Variants in SPACA7 observed in about 807,000 individuals in gnomAD.
SPACA7 encodes the protein sperm acrosome-associated protein 7.
In SPACA7, 19 loss-of-function variants were observed where a neutral mutation model predicts 26.3. The observed-to-expected ratio is 0.72, with a 90% CI of 0.50 to 1.06. SPACA7 has a LOEUF of 1.06. SPACA7 is among the 50% of genes least tolerant of loss of function. SPACA7 has a pLI of 0.00. For synonymous variants in SPACA7, 84 were observed against 84.5 expected (o/e 0.99, Z 0.04); for missense variants, 211 against 229.9 (o/e 0.92, Z 0.53).
intron 5 of SPACA7, among the ~76,000 whole-genome samples, chr13:112,411,330 A>G (rs1056944136): frequency 6.6e-6 from 1 of 152,104 alleles, no homozygotes; most frequent in Non-Finnish European, 1.5e-5. Flanking sequence ...ATAGTTGCAC[A>G]TATTTACAGG....
intron 6 of SPACA7, 151 bp downstream of exon 6, chr13:112,432,672 C>A (rs764555403): frequency 9.5e-6 from 6 of 629,886 alleles, no homozygotes; most frequent in Non-Finnish European, 1.1e-5. Context: ...CCTGTCCAAC[C>A]GTTGATGTGT....
intron 5 of SPACA7, among the ~76,000 whole-genome samples, chr13:112,419,835 G>A (rs1886904045): frequency 6.6e-6 from 1 of 152,212 alleles, no homozygotes; most frequent in South Asian, 2.1e-4. Context: ...AACCAGTGAA[G>A]GGAGTATATC....
intron 5 of SPACA7, among the ~76,000 whole-genome samples, chr13:112,416,755 G>C (rs1342735879): frequency 2.0e-5 from 3 of 151,652 alleles, no homozygotes; most frequent in Non-Finnish European, 4.4e-5. Context: ...TTGCATATTA[G>C]TTTTCCAGTC....
chr13:112,383,045 A>AGAGAGAGAGAAAGG lies in SPACA7; in HGVS notation c.94+6566_94+6567insGAGAGAGAGAAAGG, dbSNP rs781245231. Among the ~76,000 whole-genome samples the AGAGAGAGAGAAAGG allele has an allele frequency of 2.0e-4, 27 of 134,948 alleles. 1 individual carries two copies. Among genetic ancestry groups the AGAGAGAGAGAAAGG allele is most frequent in the Non-Finnish European group, 4.3e-4 (27 of 62,556 alleles). 88.5% of individuals were successfully genotyped at this position (134,948 alleles called of 152,430 possible). A position where few individuals can be genotyped will look rare whatever the true frequency, so the allele number is the denominator to read the frequency against. ...GAAAGAAAGAGAGAGAGAGAGAAAG[A>AGAGAGAGAGAAAGG]CAGAAGGAAAGAAAGAGACAGAAAG... On this transcript the variant is annotated intron_variant, in intron 1 of 6. Transcript: ENST00000283550.
chr13:112,378,765 GT>G (rs1301854660), intron 1 of SPACA7: 2 of 470,998 alleles, frequency 4.2e-6, no homozygotes, highest in South Asian at 3.1e-5. Flanking sequence ...ATCAACCTCA[GT>G]TTTTAAAAAC....
At chr13:112,383,219 G>GAAAA (rs1555324564) in intron 1 of SPACA7, among the ~76,000 whole-genome samples, 1 of 145,900 alleles carries the variant, frequency 6.9e-6, no homozygotes. Context: ...AGGAAAGAAG[G>GAAAA]AAGAAAGAAA....
intron 5 of SPACA7, among the ~76,000 whole-genome samples, chr13:112,412,163 A>G (rs1194357978): frequency 6.6e-6 from 1 of 152,190 alleles, no homozygotes; most frequent in Admixed American, 6.5e-5. Context: ...ATGAGATGAT[A>G]TCTCATTGTG....
intron 5 of SPACA7, among the ~76,000 whole-genome samples, chr13:112,411,133 G>GTT (rs3063148): frequency 0.37 from 55,326 of 150,242 alleles, 10,717 homozygotes; most frequent in Middle Eastern, 0.43. Flanking sequence ...CATTTGCTAT[G>GTT]TTTTTTTTAG....
Position 112,376,434 on chromosome 13 carries a change from T to G in SPACA7, c.49T>G (p.Cys17Gly), listed in dbSNP as rs148208558. The change falls in exon 1 of 7, where the codon TGC becomes GGC. Residue 17 changes from cysteine (C) to glycine (G), a missense_variant. By Grantham distance (159) the Cys-to-Gly change is radical. Transcript: ENST00000283550. Reference sequence around the variant, plus strand: ...GACCCTCTGCTTTGTCCTCCTGCTGTGCTGTTGGCAAGAAACTGAGCTCCG... The same window carrying G: ...GACCCTCTGCTTTGTCCTCCTGCTGGGCTGTTGGCAAGAAACTGAGCTCCG... ...DGTLCFVLLL[C>G]CWQETELRPR... 6 of 1,613,910 alleles carry G rather than the reference T, an allele frequency of 3.7e-6. No individual in the cohort carries two copies. The highest frequency in any genetic ancestry group is 4.2e-6 in the Non-Finnish European group (5 of 1,179,936).
At chr13:112,432,804 C>T (rs1265883720) in intron 6 of SPACA7, among the ~76,000 whole-genome samples, 4 of 152,196 alleles carry the variant, frequency 2.6e-5, no homozygotes, top group African/African-American at 9.7e-5. Context: ...ATAATCAGGA[C>T]TCACAAGGCT....
At chr13:112,410,253 T>A (rs1189367915) in intron 5 of SPACA7, among the ~76,000 whole-genome samples, 1 of 151,988 alleles carries the variant, frequency 6.6e-6, no homozygotes, top group Non-Finnish European at 1.5e-5. Flanking sequence ...CATTAGGAGA[T>A]ATACCTAATG....
At chr13:112,432,330 T>C (rs1877235882) in intron 5 of SPACA7, 114 bp from the exon 6 acceptor site, 1 of 783,200 alleles carries the variant, frequency 1.3e-6, no homozygotes, top group Admixed American at 2.1e-5. Flanking sequence ...GCTTGCTCTG[T>C]GCGTGGGTGC....
rs1885616273 is a variant in SPACA7 at position 112,401,173 on chromosome 13, G to T, written c.445+9G>T. On this transcript the variant is annotated intron_variant, in intron 5 of 6. Coordinates refer to ENST00000283550, the MANE Select transcript of SPACA7 (RefSeq NM_145248.5). ...GAGTGTTTCCAGTAAAGGTAAATGT[G>T]CCCTGCCCACACTGAGAGCTCTGTG... The T allele has an allele frequency of 2.5e-6, 4 of 1,607,182 alleles. No homozygotes were observed. Among genetic ancestry groups the T allele is most frequent in the Non-Finnish European group, 3.4e-6 (4 of 1,173,836 alleles).
intron 2 of SPACA7, among the ~76,000 whole-genome samples, chr13:112,397,018 G>T (rs1158610868): frequency 6.6e-6 from 1 of 152,250 alleles, no homozygotes; most frequent in Admixed American, 6.5e-5. Context: ...CCACCCGGCT[G>T]CAGGGGGCCT....
chr13:112,391,067 C>T (rs910737040), intron 1 of SPACA7, among the ~76,000 whole-genome samples: 1 of 151,986 alleles, frequency 6.6e-6, no homozygotes, highest in Admixed American at 6.5e-5. Context: ...ATAGGTCTTT[C>T]GTTTCTTGTT....
chr13:112,380,487 G>A (rs777649223), intron 1 of SPACA7, among the ~76,000 whole-genome samples: 7 of 149,826 alleles, frequency 4.7e-5, no homozygotes, highest in Non-Finnish European at 7.4e-5. Context: ...TCAAACTCCA[G>A]TACTGCATTG....
intron 1 of SPACA7, chr13:112,378,805 A>G (rs1883860641): frequency 1.7e-5 from 8 of 468,274 alleles, no homozygotes; most frequent in Admixed American, 9.5e-5. Context: ...TCTATGTATC[A>G]ATCTCAAATA....
chr13:112,409,629 T>C (rs1489780871), intron 5 of SPACA7, among the ~76,000 whole-genome samples: 1 of 152,194 alleles, frequency 6.6e-6, no homozygotes, highest in African/African-American at 2.4e-5. Flanking sequence ...TCATCATCAC[T>C]GGCCATCAGA....
At position 112,393,094 on chromosome 13, in the gene SPACA7, T is replaced by C. The variant is rs1282012897; in HGVS notation, c.151+17T>C. On this transcript the variant is annotated intron_variant, in intron 2 of 6. Coordinates refer to ENST00000283550, the MANE Select transcript of SPACA7 (RefSeq NM_145248.5). ...AATTATTAGGTAAGGAAGCCCCTCC[T>C]ATCAACCTCTGGCCTGTACGTGAAG... is the stretch of plus-strand genomic sequence containing the variant. The C allele has an allele frequency of 6.2e-7, 1 of 1,609,716 alleles. No homozygotes were observed. The highest frequency in any genetic ancestry group is 8.5e-7 in the Non-Finnish European group (1 of 1,176,372).
Sources: gnomAD v4.1 joint callset for allele counts (sites outside exome capture counted in the v4.1 genomes callset) on GRCh38, gnomAD v4.1.1 for gene constraint, MANE v1.5 for transcripts, NCBI Gene and HGNC (gene_info 2026-07-23, HGNC 2026-07-21) for gene names.